MGAT4B: variants seen among roughly 807,000 people sequenced by gnomAD.
The protein encoded by MGAT4B is N-acetylglucosaminyltransferase IVb.
In MGAT4B, 38 loss-of-function variants were observed where a neutral mutation model predicts 73.9. That is an observed-to-expected ratio of 0.51 (90% CI 0.40 to 0.67). The LOEUF (loss-of-function observed/expected upper bound fraction) is 0.67, where lower values mean the gene tolerates loss of function less well. MGAT4B is among the 30% of genes least tolerant of loss of function. The pLI is 0.00. For missense variants in MGAT4B, 686 were observed against 735.2 expected, an observed-to-expected ratio of 0.93 and a Z score of 0.77; for synonymous variants, 373 against 313.5, an observed-to-expected ratio of 1.19 and a Z score of -2.01.
In MGAT4B at chr5:179,800,826, A is replaced by G. The variant is rs557077114; in HGVS notation, c.605+81T>C. On this transcript the variant is annotated intron_variant, in intron 5 of 14. Coordinates refer to ENST00000292591, the MANE Select transcript of MGAT4B (RefSeq NM_014275.5). ...CACGAGATAGGAAAGGCACTATCTCATGGGGAGGCAGGAACCTGCCAGCAC... is the reference window on the plus strand; with the variant it reads ...CACGAGATAGGAAAGGCACTATCTCGTGGGGAGGCAGGAACCTGCCAGCAC... The G allele has an allele frequency of 1.3e-3, 1,934 of 1,469,338 alleles. 7 individuals are homozygous for G. The highest frequency in any genetic ancestry group is 8.5e-3 in the African/African-American group (605 of 70,958). The allele number at this position is 1,469,338 out of a possible 1,614,324, so 91.0% of individuals were successfully genotyped here.
Position 179,801,017 on chromosome 5 carries a change from G to C in MGAT4B, c.559-64C>G. 6.3e-7 allele frequency: 1 copy of C among 1,575,656 alleles called. No homozygotes were observed. The highest frequency in any genetic ancestry group is 1.1e-5 in the South Asian group (1 of 90,116). On this transcript the variant is annotated intron_variant, in intron 4 of 14. Transcript: ENST00000292591. The surrounding 1 kb of genome is among the most constrained non-coding windows in gnomAD (Gnocchi z 4.8). ...TGCCCCAAAAGGCCTGGAAGGGCTT[G>C]GAGAAGGGGCACAGGCTTCAGATGC... is the stretch of plus-strand genomic sequence containing the variant.
chr5:179,798,623 G>A, intron 11 of MGAT4B, 32 bp from the exon 12 acceptor site: 1 of 1,610,064 alleles, frequency 6.2e-7, no homozygotes, highest in Non-Finnish European at 8.5e-7. Flanking sequence ...AGCTGCTGCA[G>A]GGGCAGCGTT....
At position 179,806,513 on chromosome 5, in the gene MGAT4B, C is replaced by G; in HGVS notation, c.71G>C (p.Trp24Ser). ...FCLCAFLSLSWYAALSGQKGD... is the reference protein window; with the variant it reads ...FCLCAFLSLSSYAALSGQKGD... ...TTTCTGGCCGCTGAGTGCCGCGTAC[C>G]AGGACAGCGAGAGGAAGGCGCACAG... The change falls in exon 1 of 15, where the codon TGG becomes TCG. Residue 24 changes from tryptophan to serine, a missense_variant. By Grantham distance (177) the Trp-to-Ser change is radical (BLOSUM62 -3). This residue lies in a region of MGAT4B where 237 missense variants were observed against 198.5 expected (regional missense o/e 1.19). Coordinates refer to ENST00000292591, the MANE Select transcript of MGAT4B (RefSeq NM_014275.5). This position sits in a 1 kb window ranked among gnomAD's most constrained non-coding sequence, Gnocchi z 4.6. 7.5e-7 allele frequency: 1 copy of G among 1,333,010 alleles called. No homozygotes were observed. Among genetic ancestry groups the G allele is most frequent in the Non-Finnish European group, 9.8e-7 (1 of 1,016,570 alleles). 82.6% of individuals were successfully genotyped at this position (1,333,010 alleles called of 1,614,324 possible). A position where few individuals can be genotyped will look rare whatever the true frequency, so the allele number is the denominator to read the frequency against.
rs1311845757 is a variant in MGAT4B, at chr5:179,801,796, C to T, written c.271G>A (p.Gly91Ser). Residue 91 changes from glycine to serine, a missense_variant, in exon 2 of 15, where the codon GGC (glycine) becomes AGC (serine). This residue lies in a region of MGAT4B where 237 missense variants were observed against 198.5 expected (regional missense o/e 1.19). Coordinates refer to ENST00000292591, the MANE Select transcript of MGAT4B (RefSeq NM_014275.5). The surrounding 1 kb of genome is among the most constrained non-coding windows in gnomAD (Gnocchi z 4.8). ...CCCCAGACCTCACCTGTTAGGCGGC[C>T]CCAGGTGCGATTGCCGTCTCCGTCT... ...LRDGDGNRTW[G>S]RLTEDPRLKP... The T allele has an allele frequency of 1.3e-6, 2 of 1,592,086 alleles. No individual in the cohort carries two copies. The highest frequency in any genetic ancestry group is 1.7e-6 in the Non-Finnish European group (2 of 1,166,160).
Position 179,799,552 on chromosome 5 carries a change from A to G in MGAT4B, c.995T>C (p.Leu332Pro). The G allele has an allele frequency of 6.2e-7, 1 of 1,613,998 alleles. No individual in the cohort carries two copies. The highest frequency in any genetic ancestry group is 1.1e-5 in the South Asian group (1 of 91,084). The stretch of plus-strand genomic sequence containing the variant: ...GACTTTCACCCACAGAATATGGTCC[A>G]GGAGCCAGTCGATGGGCTTGTCCCG... Reference protein sequence around the residue: ...FYRDKPIDWLLDHILWVKVCN... With the variant: ...FYRDKPIDWLPDHILWVKVCN... Residue 332 changes from leucine (L) to proline (P), a missense_variant, in exon 9 of 15, where the codon CTG (leucine) becomes CCG (proline). By Grantham distance (98) the Leu-to-Pro change is moderately conservative. This residue lies in a region of MGAT4B where 449 missense variants were observed against 536.8 expected (regional missense o/e 0.84). Transcript: ENST00000292591.
chr5:179,806,444 GC>G lies in MGAT4B; in HGVS notation c.97+42del. ...CGCCGGGCCCGCTCCCGCCGCCGAC[GC>G]CCAGGTGCGCCAGGTGCGGGCCGGG... On this transcript the variant is annotated intron_variant, in intron 1 of 14. Coordinates refer to ENST00000292591, the MANE Select transcript of MGAT4B (RefSeq NM_014275.5). This position sits in a 1 kb window ranked among gnomAD's most constrained non-coding sequence, Gnocchi z 4.6. 8.5e-7 allele frequency: 1 copy of G among 1,170,370 alleles called. No homozygotes were observed. The highest frequency in any genetic ancestry group is 2.4e-5 in the South Asian group (1 of 42,040). The allele number at this position is 1,170,370 out of a possible 1,614,324, so 72.5% of individuals were successfully genotyped here. A position where few individuals can be genotyped will look rare whatever the true frequency, so the allele number is the denominator to read the frequency against.
At position 179,797,788 on chromosome 5, in the gene MGAT4B, G is replaced by C. The variant is rs1756709805; in HGVS notation, c.*257C>G. 1 of 456,572 alleles carries C rather than the reference G, an allele frequency of 2.2e-6. No homozygotes were observed. The highest frequency in any genetic ancestry group is 3.9e-6 in the Non-Finnish European group (1 of 259,002). The allele number at this position is 456,572 out of a possible 1,614,324, so 28.3% of individuals were successfully genotyped here. A position where few individuals can be genotyped will look rare whatever the true frequency, so the allele number is the denominator to read the frequency against. On this transcript the variant is annotated 3_prime_UTR_variant, in exon 15 of 15. Transcript: ENST00000292591. Reference sequence around the variant, plus strand: ...AGCTCTTCTAAAACGGCCTGACTGGGGCAGGCCGGGTGCGAACGGTTCCGG... The same window carrying C: ...AGCTCTTCTAAAACGGCCTGACTGGCGCAGGCCGGGTGCGAACGGTTCCGG...
chr5:179,804,296 G>A (rs1410593633), intron 1 of MGAT4B, among the ~76,000 whole-genome samples: 2 of 151,992 alleles, frequency 1.3e-5, no homozygotes, highest in Admixed American at 1.3e-4. Context: ...ATGCATGTGT[G>A]TGGCAGGTGT....
At chr5:179,798,308 C>G in intron 13 of MGAT4B, 31 bp from the exon 14 acceptor site, 2 of 1,612,822 alleles carry the variant, frequency 1.2e-6, no homozygotes, top group South Asian at 2.2e-5. Context: ...GAGGGTGTCC[C>G]TGAACCCCAG....
At position 179,801,854 on chromosome 5, in the gene MGAT4B, G is replaced by A. The variant is rs1756958411; in HGVS notation, c.213C>T (p.Ile71=). The change falls in exon 2 of 15, where the codon ATC becomes ATT. Residue 71 remains isoleucine (I), a synonymous_variant. Transcript: ENST00000292591. This position sits in a 1 kb window ranked among gnomAD's most constrained non-coding sequence, Gnocchi z 4.8. ...SKELNLVLDE[I]KRAVSERQAL... ...CCTGCCTTTCTGACACGGCCCTCTT[G>A]ATCTCGTCCAGCACCAGGTTGAGCT... 2 of 1,610,034 alleles carry A rather than the reference G, an allele frequency of 1.2e-6. No homozygotes were observed. Among genetic ancestry groups the A allele is most frequent in the Non-Finnish European group, 1.7e-6 (2 of 1,177,568 alleles).
intron 13 of MGAT4B, 30 bp downstream of exon 13, chr5:179,798,317 A>G (rs535125650): frequency 1.2e-6 from 2 of 1,612,864 alleles, no homozygotes; most frequent in East Asian, 2.2e-5. Context: ...CCTGAACCCC[A>G]GCCCACGCTC....
At position 179,797,708 on chromosome 5, in the gene MGAT4B, AAAG is replaced by A. The variant is rs1451556340; in HGVS notation, c.*334_*336del. 3.7e-6 allele frequency: 1 copy of A among 266,710 alleles called. No homozygotes were observed. Among genetic ancestry groups the A allele is most frequent in the East Asian group, 8.2e-5 (1 of 12,196 alleles). 16.5% of individuals were successfully genotyped at this position (266,710 alleles called of 1,614,324 possible). On this transcript the variant is annotated 3_prime_UTR_variant, in exon 15 of 15. Transcript: ENST00000292591. ...TCCAAGAATAAAAAACACAGCACAT[AAAG>A]TAGTATATGCATTCCAGTGTTCGCG...
Position 179,801,812 on chromosome 5 carries a change from G to A in MGAT4B, c.255C>T (p.Asp85=), listed in dbSNP as rs775600576. 19 of 1,596,702 alleles carry A rather than the reference G, an allele frequency of 1.2e-5. No individual in the cohort carries two copies. Among genetic ancestry groups the A allele is most frequent in the Middle Eastern group, 1.7e-4 (1 of 6,036 alleles). The change falls in exon 2 of 15, where the codon GAC becomes GAT. Residue 85 remains aspartate, a synonymous_variant. Coordinates refer to ENST00000292591, the MANE Select transcript of MGAT4B (RefSeq NM_014275.5). The surrounding 1 kb of genome is among the most constrained non-coding windows in gnomAD (Gnocchi z 4.8). The part of the protein sequence containing the change: ...VSERQALRDG[D]GNRTWGRLTE... The stretch of plus-strand genomic sequence containing the variant: ...TTAGGCGGCCCCAGGTGCGATTGCC[G>A]TCTCCGTCTCGCAGCGCCTGCCTTT...
At chr5:179,804,828 A>G (rs1439191061) in intron 1 of MGAT4B, 1 of 152,188 alleles carries the variant, frequency 6.6e-6, no homozygotes, top group Non-Finnish European at 1.5e-5. Flanking sequence ...TTCACATAAG[A>G]GCCCAGATTC....
chr5:179,802,067 CA>C, intron 1 of MGAT4B, 98 bp from the exon 2 acceptor site: 1 of 1,596,258 alleles, frequency 6.3e-7, no homozygotes, highest in Non-Finnish European at 8.6e-7. Context: ...TCCACCTCTG[CA>C]ATAGCTCATT....
At chr5:179,802,265 T>C in intron 1 of MGAT4B, 2 of 1,418,684 alleles carry the variant, frequency 1.4e-6, no homozygotes, top group Non-Finnish European at 1.8e-6. Context: ...CCTAGGTAGG[T>C]GGATCCTAAG....
chr5:179,802,500 A>G, intron 1 of MGAT4B: 1 of 1,021,744 alleles, frequency 9.8e-7, no homozygotes, highest in Non-Finnish European at 1.2e-6. Flanking sequence ...AGCCCACCTC[A>G]CTTCATTGCT....
rs1421420579 is a variant in MGAT4B at position 179,801,557 on chromosome 5, C to T, written c.421G>A (p.Gly141Arg). 9.3e-6 allele frequency: 15 copies of T among 1,608,418 alleles called. No homozygotes were observed. The highest frequency in any genetic ancestry group is 1.3e-5 in the African/African-American group (1 of 74,832). ...PAVRVGQGRT[G>R]VSVVMGIPSV... ...TCCTCCCTGTCTGCGCCCATACCTC[C>T]GGTGCGGCCCTGGCCCACGCGCACC... is the stretch of plus-strand genomic sequence containing the variant. The change falls in exon 3 of 15, where the codon GGA becomes AGA. Residue 141 changes from glycine (G) to arginine (R), a missense_variant. Physicochemically the swap from Gly to Arg is moderately radical, Grantham distance 125 (BLOSUM62 -2). Around this residue, in one of 2 missense-constraint regions of MGAT4B, gnomAD observed 237 missense variants for 198.5 expected, o/e 1.19. Transcript: ENST00000292591. This position sits in a 1 kb window ranked among gnomAD's most constrained non-coding sequence, Gnocchi z 4.8.
rs1756795038 is a variant in MGAT4B, at chr5:179,799,140, A to G, written c.1150-19T>C. On this transcript the variant is annotated intron_variant, in intron 10 of 14. Transcript: ENST00000292591. ...CTTTGTCCTGCAGCGGAGGAGGGAC[A>G]GCAGTGATGGCGTGGGCCCCGACCT... 3 of 1,613,938 alleles carry G rather than the reference A, an allele frequency of 1.9e-6. No individual in the cohort carries two copies. The highest frequency in any genetic ancestry group is 2.2e-5 in the East Asian group (1 of 44,888).
Sources: allele counts gnomAD v4.1 joint callset (sites outside exome capture counted in the v4.1 genomes callset), GRCh38; gene constraint gnomAD v4.1.1; regional missense constraint gnomAD v4.1.1; non-coding constraint Gnocchi (gnomAD v3.1); transcripts MANE v1.5; gene names NCBI Gene and HGNC (gene_info 2026-07-23, HGNC 2026-07-21).